Variants in DYNC1I1 observed in about 807,000 individuals in gnomAD.
DYNC1I1 encodes the protein dynein cytoplasmic 1 intermediate chain 1.
Under a neutral mutation model 86.6 loss-of-function variants are expected in DYNC1I1, and 43 were observed. That is an observed-to-expected ratio of 0.50 (90% CI 0.39 to 0.64). The LOEUF (loss-of-function observed/expected upper bound fraction) is 0.64. Among genes scored for constraint, DYNC1I1 ranks in the 30% least tolerant of loss-of-function variants. The pLI, the probability that DYNC1I1 is intolerant of heterozygous loss-of-function variation, is 0.00. For missense variants in DYNC1I1, 604 were observed against 788.8 expected, an observed-to-expected ratio of 0.77 and a Z score of 2.81; for synonymous variants, 262 against 283.7, an observed-to-expected ratio of 0.92 and a Z score of 0.77.
At chr7:96,059,924 A>G (rs1406792432) in intron 14 of DYNC1I1, among the ~76,000 whole-genome samples, 1 of 152,200 alleles carries the variant, frequency 6.6e-6, no homozygotes, top group African/African-American at 2.4e-5. Context: ...TTTTTGGCCT[A>G]CTAAGTGGCT....
chr7:96,102,889 G>A (rs901780251), downstream of DYNC1I1, among the ~76,000 whole-genome samples: 1 of 152,130 alleles, frequency 6.6e-6, no homozygotes, highest in African/African-American at 2.4e-5. Context: ...CTTTGCCATA[G>A]GATATAAACT....
intron 14 of DYNC1I1, among the ~76,000 whole-genome samples, chr7:96,043,207 C>T (rs1338910922): frequency 6.7e-6 from 1 of 149,298 alleles, no homozygotes; most frequent in African/African-American, 2.5e-5. Context: ...AAAGAAATGA[C>T]AGAATTTGAA....
At chr7:95,997,582 CTTGTGTGTGTGT>C (rs1236719297) in intron 10 of DYNC1I1, among the ~76,000 whole-genome samples, 6 of 117,190 alleles carry the variant, frequency 5.1e-5, no homozygotes, top group African/African-American at 8.0e-5. Context: ...AAAGGGCATT[CTTGTGTGTGTGT>C]GTGTGTGTGT....
intron 10 of DYNC1I1, among the ~76,000 whole-genome samples, chr7:95,997,721 C>T (rs1793905494): frequency 6.6e-6 from 1 of 150,782 alleles, no homozygotes; most frequent in Admixed American, 6.6e-5. Context: ...AAAATATACT[C>T]GTGATTTTAA....
At chr7:96,046,508 C>G (rs562870775) in intron 14 of DYNC1I1, among the ~76,000 whole-genome samples, 2 of 152,096 alleles carry the variant, frequency 1.3e-5, no homozygotes, top group African/African-American at 2.4e-5. Flanking sequence ...CACAAGAGAG[C>G]GTAAATAACT....
At chr7:96,087,388 G>A (rs1372681880) in intron 16 of DYNC1I1, among the ~76,000 whole-genome samples, 3 of 152,076 alleles carry the variant, frequency 2.0e-5, no homozygotes, top group South Asian at 2.1e-4. Flanking sequence ...TGCATGGCTC[G>A]GTTTTTGCAG....
chr7:96,014,354 C>G (rs1584251214), intron 10 of DYNC1I1, among the ~76,000 whole-genome samples: 1 of 152,256 alleles, frequency 6.6e-6, no homozygotes, highest in South Asian at 2.1e-4. Flanking sequence ...TGCCCCTTCT[C>G]CCAGCAGACA....
intron 14 of DYNC1I1, among the ~76,000 whole-genome samples, chr7:96,071,193 G>GA (rs1204131207): frequency 6.6e-6 from 1 of 152,008 alleles, no homozygotes; most frequent in Non-Finnish European, 1.5e-5. Context: ...TATAGAGTAA[G>GA]AAAAAAATCA....
At chr7:95,811,315 T>G (rs141144428) in intron 3 of DYNC1I1, among the ~76,000 whole-genome samples, 1 of 152,132 alleles carries the variant, frequency 6.6e-6, no homozygotes, top group Non-Finnish European at 1.5e-5. Context: ...ATATCCAATA[T>G]AGTTAAAAAC....
chr7:95,852,687 A>G (rs1789611534), intron 5 of DYNC1I1, among the ~76,000 whole-genome samples: 1 of 152,134 alleles, frequency 6.6e-6, no homozygotes, highest in East Asian at 1.9e-4. Flanking sequence ...TTGTGTTATT[A>G]GTAGAGATGG....
intron 13 of DYNC1I1, among the ~76,000 whole-genome samples, chr7:96,036,971 T>C (rs940273830): frequency 2.6e-5 from 4 of 151,810 alleles, no homozygotes; most frequent in Non-Finnish European, 5.9e-5. Flanking sequence ...ATTCCATTGA[T>C]TTTTTTTCAT....
chr7:95,779,126 A>G (rs1259408539), intron 1 of DYNC1I1, among the ~76,000 whole-genome samples: 1 of 152,234 alleles, frequency 6.6e-6, no homozygotes, highest in Non-Finnish European at 1.5e-5. Context: ...ACAAAGCACA[A>G]GACAGCTTCC....
chr7:95,889,501 A>G (rs1790681367), intron 6 of DYNC1I1, among the ~76,000 whole-genome samples: 1 of 152,236 alleles, frequency 6.6e-6, no homozygotes, highest in Non-Finnish European at 1.5e-5. Context: ...AAGCCCTGAA[A>G]GTTAACCTAG....
intron 6 of DYNC1I1, among the ~76,000 whole-genome samples, chr7:95,902,357 G>A (rs905969788): frequency 2.6e-5 from 4 of 152,058 alleles, no homozygotes; most frequent in African/African-American, 4.8e-5. Context: ...CTTTGTGAAT[G>A]CCATTATGTT....
chr7:95,847,563 A>G (rs1789467355), intron 5 of DYNC1I1, among the ~76,000 whole-genome samples: 1 of 152,108 alleles, frequency 6.6e-6, no homozygotes, highest in African/African-American at 2.4e-5. Context: ...GCAGCTGTCA[A>G]TTTCTTACCC....
intron 16 of DYNC1I1, among the ~76,000 whole-genome samples, chr7:96,083,878 TAGAA>T (rs1191733163): frequency 6.6e-6 from 1 of 152,170 alleles, no homozygotes; most frequent in African/African-American, 2.4e-5. Flanking sequence ...TAGAACCCTC[TAGAA>T]AGAAGACAAA....
intron 7 of DYNC1I1, among the ~76,000 whole-genome samples, chr7:95,984,317 C>G (rs1046543699): frequency 1.3e-5 from 2 of 152,072 alleles, no homozygotes; most frequent in Non-Finnish European, 2.9e-5. Flanking sequence ...GCCTTACCAA[C>G]TAACCATTTA....
rs1377080320 is a variant in DYNC1I1 at position 96,035,755 on chromosome 7, G to A, written c.1364+3G>A. The A allele has an allele frequency of 6.2e-7, 1 of 1,609,142 alleles. No homozygotes were observed. The highest frequency in any genetic ancestry group is 8.5e-7 in the Non-Finnish European group (1 of 1,178,122). ...TACACGGCTTGTCGTCATGGAAGGT[G>A]ATTTTTCTGTTTCTTTACTGATGAC... On this transcript the variant is annotated splice_donor_region_variant and intron_variant, in intron 13 of 16. Transcript: ENST00000447467.
chr7:95,875,073 G>T (rs541119548), intron 6 of DYNC1I1, among the ~76,000 whole-genome samples: 2 of 152,302 alleles, frequency 1.3e-5, no homozygotes, highest in South Asian at 2.1e-4. Context: ...CATTAGCCAG[G>T]ACTAGGTTAC....
Sources: gnomAD v4.1 joint callset for allele counts (sites outside exome capture counted in the v4.1 genomes callset) on GRCh38, gnomAD v4.1.1 for gene constraint, MANE v1.5 for transcripts, NCBI Gene and HGNC (gene_info 2026-07-23, HGNC 2026-07-21) for gene names.